Variants in FRMD5 observed in about 807,000 individuals in gnomAD.
FRMD5 encodes FERM domain-containing protein 5.
In FRMD5, 20 loss-of-function variants were observed where a neutral mutation model predicts 69.0. That is an observed-to-expected ratio of 0.29 (90% CI 0.20 to 0.42). The LOEUF is 0.42. FRMD5 is among the 10% of genes least tolerant of loss of function. The pLI, the probability that FRMD5 is intolerant of heterozygous loss-of-function variation, is 1.00. For synonymous variants in FRMD5, 271 were observed against 260.1 expected, an observed-to-expected ratio of 1.04 and a Z score of -0.40; for missense variants, 595 against 708.6, an observed-to-expected ratio of 0.84 and a Z score of 1.82.
At chr15:44,117,276 GA>G (rs2076882919) in intron 1 of FRMD5, among the ~76,000 whole-genome samples, 1 of 152,220 alleles carries the variant, frequency 6.6e-6, no homozygotes, top group Non-Finnish European at 1.5e-5. Flanking sequence ...GAGTGGTAGA[GA>G]AAGGCAGGAC....
At chr15:43,993,047 T>C (rs1889759571) in intron 1 of FRMD5, among the ~76,000 whole-genome samples, 1 of 152,200 alleles carries the variant, frequency 6.6e-6, no homozygotes, top group African/African-American at 2.4e-5. Flanking sequence ...AATTTCCATA[T>C]ATTTGGAAAT....
intron 1 of FRMD5, among the ~76,000 whole-genome samples, chr15:43,925,108 G>A (rs1024529792): frequency 3.3e-5 from 5 of 149,322 alleles, no homozygotes; most frequent in Non-Finnish European, 7.4e-5. Context: ...GGGTTCACAC[G>A]ATTCTCCTGT....
intron 1 of FRMD5, among the ~76,000 whole-genome samples, chr15:44,053,198 G>C (rs1442602812): frequency 6.6e-6 from 1 of 152,164 alleles, no homozygotes; most frequent in Non-Finnish European, 1.5e-5. Context: ...AGAGAATGTG[G>C]TACATTAAAA....
chr15:44,129,189 A>C (rs1025780126), intron 1 of FRMD5, among the ~76,000 whole-genome samples: 1 of 151,808 alleles, frequency 6.6e-6, no homozygotes, highest in African/African-American at 2.4e-5. Context: ...TCTAAAATGA[A>C]AAAAAAAATC....
intron 4 of FRMD5, chr15:43,917,842 A>G (rs922529830): frequency 6.6e-6 from 1 of 152,280 alleles, no homozygotes; most frequent in Non-Finnish European, 1.5e-5. Flanking sequence ...AGTAAGAGAC[A>G]TGAGATTTGG....
chr15:44,043,656 C>G (rs945907901), intron 1 of FRMD5, among the ~76,000 whole-genome samples: 1 of 152,028 alleles, frequency 6.6e-6, no homozygotes, highest in Admixed American at 6.5e-5. Context: ...ACAAACCTGA[C>G]AAAAACAAGC....
intron 1 of FRMD5, among the ~76,000 whole-genome samples, chr15:44,049,998 T>C (rs1233110074): frequency 6.6e-6 from 1 of 152,210 alleles, no homozygotes; most frequent in African/African-American, 2.4e-5. Flanking sequence ...AGGATCTATG[T>C]ACAAGTAACC....
chr15:44,075,249 A>C (rs1386451857), intron 1 of FRMD5, among the ~76,000 whole-genome samples: 4 of 152,192 alleles, frequency 2.6e-5, no homozygotes, highest in Admixed American at 2.6e-4. Flanking sequence ...TTGAACATCA[A>C]CAATTTTAAT....
At chr15:43,963,405 C>G (rs2090237441) in intron 1 of FRMD5, among the ~76,000 whole-genome samples, 1 of 152,134 alleles carries the variant, frequency 6.6e-6, no homozygotes, top group African/African-American at 2.4e-5. Flanking sequence ...AGTCAGGAAA[C>G]AACAGGTGCT....
At chr15:43,956,689 A>T (rs1165677570) in intron 1 of FRMD5, among the ~76,000 whole-genome samples, 1 of 152,240 alleles carries the variant, frequency 6.6e-6, no homozygotes, top group East Asian at 1.9e-4. Flanking sequence ...ACTCCAAGGC[A>T]TTAAACAAAA....
At chr15:44,090,979 CACAAAG>C (rs1831428157) in intron 1 of FRMD5, among the ~76,000 whole-genome samples, 1 of 152,146 alleles carries the variant, frequency 6.6e-6, no homozygotes, top group Non-Finnish European at 1.5e-5. Flanking sequence ...GGGGACCCTG[CACAAAG>C]AGCACTGTAA....
Position 43,904,295 on chromosome 15 carries a change from G to A in FRMD5, c.551+1533C>T, listed in dbSNP as rs185760388. On this transcript the variant is annotated intron_variant, in intron 6 of 13. Transcript: ENST00000417257. ...CTGTTGCCAGGCATAGTCTTTCCTC[G>A]GAACAGTAGATACACAAACCTTTTA... Among the ~76,000 whole-genome samples, 31 of 152,284 alleles carry A rather than the reference G, an allele frequency of 2.0e-4. No individual in the cohort carries two copies. The East Asian group carries it at 3.5e-3, about 17-fold the overall frequency.
chr15:44,166,023 T>G (rs2077703281), intron 1 of FRMD5, among the ~76,000 whole-genome samples: 1 of 152,154 alleles, frequency 6.6e-6, no homozygotes, highest in Non-Finnish European at 1.5e-5. Context: ...TTAGGGGAGA[T>G]TCCTAGGAGT....
chr15:43,960,883 C>G (rs1273216827), intron 1 of FRMD5, among the ~76,000 whole-genome samples: 2 of 152,060 alleles, frequency 1.3e-5, no homozygotes, highest in Non-Finnish European at 2.9e-5. Flanking sequence ...GAAGTCTAAT[C>G]TTGTATTTGA....
chr15:43,906,073 G>A, intron 5 of FRMD5, 122 bp from the exon 6 acceptor site: 2 of 1,263,100 alleles, frequency 1.6e-6, no homozygotes, highest in Non-Finnish European at 2.3e-6. Context: ...AAGAAACAGT[G>A]GATTCTGAGC....
chr15:44,085,552 T>C lies in FRMD5; in HGVS notation c.102+109401A>G, dbSNP rs112626265. ...GCCCTGTGGGTGGTTAGGATGCCAA[T>C]ACTGGTCTTGATAAGGAGCCACATA... is the stretch of plus-strand genomic sequence containing the variant. On this transcript the variant is annotated intron_variant, in intron 1 of 13. Transcript: ENST00000417257. Among the ~76,000 whole-genome samples the C allele has an allele frequency of 4.7e-3, 718 of 152,254 alleles. 8 individuals are homozygous for C. Among genetic ancestry groups the C allele is most frequent in the African/African-American group, 0.016 (684 of 41,558 alleles).
intron 13 of FRMD5, chr15:43,876,307 C>A (rs2088355257): frequency 8.7e-7 from 1 of 1,144,124 alleles, no homozygotes; most frequent in Non-Finnish European, 1.3e-6. Flanking sequence ...TTGAAAGAAT[C>A]TGAATTCCAA....
At chr15:43,902,335 A>T (rs1195781762) in intron 6 of FRMD5, 73 bp from the exon 7 acceptor site, 1 of 1,253,546 alleles carries the variant, frequency 8.0e-7, no homozygotes, top group Non-Finnish European at 1.2e-6. Flanking sequence ...ACTCTCTATG[A>T]AGATGTGCTT....
At chr15:44,083,815 A>G (rs1006690803) in intron 1 of FRMD5, among the ~76,000 whole-genome samples, 1 of 152,064 alleles carries the variant, frequency 6.6e-6, no homozygotes, top group Non-Finnish European at 1.5e-5. Context: ...TTGTGTGTTA[A>G]ATCAGTGGTT....
Sources: allele counts gnomAD v4.1 joint callset (sites outside exome capture counted in the v4.1 genomes callset), GRCh38; gene constraint gnomAD v4.1.1; transcripts MANE v1.5; gene names NCBI Gene and HGNC (gene_info 2026-07-23, HGNC 2026-07-21).